CCNF: variants seen among roughly 807,000 people sequenced by gnomAD.
CCNF encodes the protein cyclin F.
In CCNF, 30 loss-of-function variants were observed where a neutral mutation model predicts 85.4. The observed-to-expected ratio is 0.35, with a 90% confidence interval of 0.26 to 0.48. CCNF has a LOEUF of 0.48. CCNF is among the 20% of genes least tolerant of loss of function. The probability of loss-of-function intolerance (pLI) is 0.99; values close to 1 mark genes in which losing one functional copy is unlikely to be tolerated. For missense variants in CCNF, 919 were observed against 1,010.4 expected, an observed-to-expected ratio of 0.91 and a Z score of 1.23; for synonymous variants, 439 against 425.1, an observed-to-expected ratio of 1.03 and a Z score of -0.40.
intron 15 of CCNF, 62 bp from the exon 16 acceptor site, chr16:2,455,333 G>T (rs993025119): frequency 1.3e-6 from 2 of 1,487,754 alleles, no homozygotes; most frequent in Admixed American, 2.2e-5. Flanking sequence ...CAGGTGTGGA[G>T]GGCCTGGCCT....
chr16:2,439,654 T>A, intron 7 of CCNF, 95 bp from the exon 8 acceptor site: 3 of 1,065,682 alleles, frequency 2.8e-6, no homozygotes, highest in Admixed American at 3.9e-5. Context: ...AGAGAAGAGG[T>A]GGGAAGTTAG....
intron 1 of CCNF, among the ~76,000 whole-genome samples, 199 bp downstream of exon 1, chr16:2,429,696 G>T (rs1165166053): frequency 6.6e-6 from 1 of 152,090 alleles, no homozygotes; most frequent in African/African-American, 2.4e-5. Flanking sequence ...CCCGGCGGGC[G>T]CCCGAGCCCC....
Position 2,455,416 on chromosome 16 carries a change from G to A in CCNF, c.1737G>A (p.Gln579=), listed in dbSNP as rs761337879. 51 of 1,587,292 alleles carry A rather than the reference G, an allele frequency of 3.2e-5. No homozygotes were observed. The highest frequency in any genetic ancestry group is 4.2e-5 in the Non-Finnish European group (49 of 1,158,974). ...RTKRKRENSL[Q]EDRGSFVTTP... is the part of the protein sequence containing the mutation. Reference sequence around the variant, plus strand: ...GCAGGAAGCGGGAGAACAGCCTCCAGGAAGACAGAGGCAGCTTCGTTACCA... The same window carrying A: ...GCAGGAAGCGGGAGAACAGCCTCCAAGAAGACAGAGGCAGCTTCGTTACCA... Residue 579 remains glutamine, a synonymous_variant, in exon 16 of 17, where the codon CAG becomes CAA. Transcript: ENST00000397066.
chr16:2,436,168 T>C (rs2065290093), intron 4 of CCNF: 1 of 330,934 alleles, frequency 3.0e-6, no homozygotes, highest in African/African-American at 2.1e-5. Context: ...TTGGGCTCCC[T>C]GCCCTGTGCG....
At chr16:2,431,679 CAAAAAAAAA>C (rs553578806) in intron 2 of CCNF, among the ~76,000 whole-genome samples, 3 of 72,970 alleles carry the variant, frequency 4.1e-5, no homozygotes, top group Non-Finnish European at 7.8e-5. Context: ...GACTCTGTCT[CAAAAAAAAA>C]AAAAAAAAAA....
intron 1 of CCNF, 32 bp from the exon 2 acceptor site, chr16:2,431,098 C>CT (rs761552584): frequency 1.2e-6 from 2 of 1,609,100 alleles, no homozygotes; most frequent in East Asian, 4.5e-5. Flanking sequence ...AATTTTTCAT[C>CT]TTATCAAGGC....
rs2065344124 is a variant in CCNF, at chr16:2,443,556, A to G, written c.778-93A>G. On this transcript the variant is annotated intron_variant, in intron 8 of 16. Coordinates refer to ENST00000397066, the MANE Select transcript of CCNF (RefSeq NM_001761.3). ...AAGTTAAGTAGGGCAGTGTGTCCACATGCATTTGGTGCCTGAATGGGCCTT... is the reference window on the plus strand; with the variant it reads ...AAGTTAAGTAGGGCAGTGTGTCCACGTGCATTTGGTGCCTGAATGGGCCTT... 54 of 1,257,620 alleles carry G rather than the reference A, an allele frequency of 4.3e-5. 1 individual carries two copies. In the South Asian group the frequency reaches 5.4e-4, roughly 13 times the overall value. 77.9% of individuals were successfully genotyped at this position (1,257,620 alleles called of 1,614,324 possible). A position where few individuals can be genotyped will look rare whatever the true frequency, so the allele number is the denominator to read the frequency against.
At chr16:2,446,371 G>A (rs139261240) in intron 10 of CCNF, among the ~76,000 whole-genome samples, 1 of 152,246 alleles carries the variant, frequency 6.6e-6, no homozygotes, top group Non-Finnish European at 1.5e-5. Flanking sequence ...AGAGTTTTTC[G>A]TCCCCCACTG....
intron 3 of CCNF, among the ~76,000 whole-genome samples, chr16:2,435,435 A>G (rs1555496989): frequency 7.6e-6 from 1 of 131,286 alleles, no homozygotes; most frequent in Non-Finnish European, 1.6e-5. Flanking sequence ...TTTTTTTTTG[A>G]CTAGCTGAGC....
At chr16:2,443,988 C>T (rs1002534148) in intron 9 of CCNF, among the ~76,000 whole-genome samples, 188 bp downstream of exon 9, 25 of 150,778 alleles carry the variant, frequency 1.7e-4, no homozygotes, top group Non-Finnish European at 2.7e-4. Flanking sequence ...GGCGCGATCT[C>T]AGCTCACTGC....
At chr16:2,432,833 C>G (rs1411351886) in intron 2 of CCNF, 128 bp from the exon 3 acceptor site, 1 of 569,012 alleles carries the variant, frequency 1.8e-6, no homozygotes, top group Non-Finnish European at 3.2e-6. Flanking sequence ...AGATTGGGGA[C>G]CTCAACTACT....
At position 2,453,185 on chromosome 16, in the gene CCNF, C is replaced by T. The variant is rs1025130760; in HGVS notation, c.1488-25C>T. The T allele has an allele frequency of 1.2e-6, 2 of 1,603,110 alleles. No individual in the cohort carries two copies. The highest frequency in any genetic ancestry group is 1.7e-6 in the Non-Finnish European group (2 of 1,170,512). ...AATGGGGTGGGGGTGCCTCACATGT[C>T]CACTCCACGTGACTCTGTTTCCAGC... On this transcript the variant is annotated intron_variant, in intron 13 of 16. Transcript: ENST00000397066. This position sits in a 1 kb window ranked among gnomAD's most constrained non-coding sequence, Gnocchi z 5.6.
chr16:2,439,025 C>T (rs1259833353), intron 6 of CCNF, among the ~76,000 whole-genome samples: 1 of 149,042 alleles, frequency 6.7e-6, no homozygotes, highest in Non-Finnish European at 1.5e-5. Flanking sequence ...CAGCCAGGCA[C>T]AGTGGCTCAT....
chr16:2,453,821 G>C lies in CCNF; in HGVS notation c.1715+284G>C, dbSNP rs1343937242. ...TTCGAGCACGCGGGAGCCTAGCCTG[G>C]CTCTAGCCCTGCCCGTGCCTGTCAT... On this transcript the variant is annotated intron_variant, in intron 15 of 16. Coordinates refer to ENST00000397066, the MANE Select transcript of CCNF (RefSeq NM_001761.3). This position sits in a 1 kb window ranked among gnomAD's most constrained non-coding sequence, Gnocchi z 5.6. 6.6e-6 allele frequency among the ~76,000 whole-genome samples: 1 copy of C among 152,202 alleles called. No individual in the cohort carries two copies. Among genetic ancestry groups the C allele is most frequent in the Non-Finnish European group, 1.5e-5 (1 of 68,026 alleles).
In CCNF at chr16:2,456,836, C is replaced by G. The variant is rs770169292; in HGVS notation, c.2177C>G (p.Ser726Ter). The change falls in exon 17 of 17, where the codon TCA becomes TGA. Residue 726 changes from serine (S) to a stop codon, truncating the protein, a stop_gained. Coordinates refer to ENST00000397066, the MANE Select transcript of CCNF (RefSeq NM_001761.3). LOFTEE classifies it low-confidence loss of function (END_TRUNC). The surrounding 1 kb of genome is among the most constrained non-coding windows in gnomAD (Gnocchi z 4.5). ...TTGGGGGCCCTGCCCCAACCTACCTCAGTGCTGTCCCTGGACAGTGACTCG... is the reference window on the plus strand; with the variant it reads ...TTGGGGGCCCTGCCCCAACCTACCTGAGTGCTGTCCCTGGACAGTGACTCG... Reference protein sequence around the residue: ...GGLGALPQPTSVLSLDSDSHT... With the variant: ...GGLGALPQPT 1 of 1,614,030 alleles carries G rather than the reference C, an allele frequency of 6.2e-7. No individual in the cohort carries two copies. Among genetic ancestry groups the G allele is most frequent in the South Asian group, 1.1e-5 (1 of 91,074 alleles).
chr16:2,445,410 C>T lies in CCNF; in HGVS notation c.930-48C>T, dbSNP rs1410231032. 3 of 1,602,402 alleles carry T rather than the reference C, an allele frequency of 1.9e-6. No homozygotes were observed. The Middle Eastern group carries it at 5.0e-4, about 267-fold the overall frequency. On this transcript the variant is annotated intron_variant, in intron 9 of 16. Transcript: ENST00000397066. ...GTGGGGTTGAAATCGCAGACAGGGA[C>T]ACATGGAGAACGCCCCCACCAGTTC...
intron 8 of CCNF, 91 bp from the exon 9 acceptor site, chr16:2,443,558 G>A: frequency 7.8e-7 from 1 of 1,289,702 alleles, no homozygotes. Flanking sequence ...GTGTCCACAT[G>A]CATTTGGTGC....
rs753913259 is a variant in CCNF, at chr16:2,455,406, A to G, written c.1727A>G (p.Asn576Ser). 1.9e-6 allele frequency: 3 copies of G among 1,582,176 alleles called. No homozygotes were observed. Among genetic ancestry groups the G allele is most frequent in the Middle Eastern group, 1.7e-4 (1 of 5,976 alleles). Residue 576 changes from asparagine (N) to serine (S), a missense_variant, in exon 16 of 17, where the codon AAC (asparagine) becomes AGC (serine). Physicochemically the swap from Asn to Ser is conservative, Grantham distance 46. This residue lies in a region of CCNF where 505 missense variants were observed against 514.8 expected (regional missense o/e 0.98). Transcript: ENST00000397066. ...SGRRTKRKRENSLQEDRGSFV... is the reference protein window; with the variant it reads ...SGRRTKRKRESSLQEDRGSFV... ...TCTCCACCTTGCAGGAAGCGGGAGA[A>G]CAGCCTCCAGGAAGACAGAGGCAGC...
At chr16:2,433,464 G>A (rs143566750) in intron 3 of CCNF, among the ~76,000 whole-genome samples, 6 of 152,232 alleles carry the variant, frequency 3.9e-5, no homozygotes, top group Admixed American at 6.5e-5. Flanking sequence ...CCTGCACCCC[G>A]CACCCTGGCC....
Sources: gnomAD v4.1 joint callset for allele counts (sites outside exome capture counted in the v4.1 genomes callset) on GRCh38, gnomAD v4.1.1 for gene constraint, gnomAD v4.1.1 regional missense constraint, Gnocchi (gnomAD v3.1) non-coding constraint, MANE v1.5 for transcripts, NCBI Gene and HGNC (gene_info 2026-07-23, HGNC 2026-07-21) for gene names.